Variants in CNTN6 observed in about 807,000 individuals in gnomAD.
CNTN6 encodes the protein contactin 6, also known as contactin-6.
Under a neutral mutation model 122.8 loss-of-function variants are expected in CNTN6, and 137 were observed. The ratio of observed to expected loss-of-function variants is 1.12; its 90% CI spans 0.97 to 1.29. The LOEUF is 1.29. CNTN6 is among the 50% of genes most tolerant of loss of function. The probability of loss-of-function intolerance (pLI) is 0.00; values close to 1 mark genes in which losing one functional copy is unlikely to be tolerated. For synonymous variants in CNTN6, 570 were observed against 426.0 expected, an observed-to-expected ratio of 1.34 and a Z score of -4.16; for missense variants, 1,634 against 1,223.4, an observed-to-expected ratio of 1.34 and a Z score of -5.01.
intron 2 of CNTN6, among the ~76,000 whole-genome samples, chr3:1,159,257 C>A (rs938092136): frequency 6.6e-6 from 1 of 151,846 alleles, no homozygotes; most frequent in Admixed American, 6.6e-5. Flanking sequence ...AAGCCCTATA[C>A]GCATTATGTT....
intron 1 of CNTN6, among the ~76,000 whole-genome samples, chr3:1,143,205 T>G (rs1007506608): frequency 1.3e-5 from 2 of 152,028 alleles, no homozygotes; most frequent in African/African-American, 4.8e-5. Context: ...TCAGAGATTC[T>G]TTTTAATTGC....
intron 2 of CNTN6, among the ~76,000 whole-genome samples, chr3:1,200,209 C>T (rs536438173): frequency 2.5e-4 from 38 of 152,144 alleles, no homozygotes; most frequent in Non-Finnish European, 5.0e-4. Flanking sequence ...AATTTTTGTA[C>T]CGTTAGTAGA....
intron 4 of CNTN6, among the ~76,000 whole-genome samples, chr3:1,276,711 C>G (rs1026029130): frequency 6.6e-6 from 1 of 152,136 alleles, no homozygotes; most frequent in Non-Finnish European, 1.5e-5. Flanking sequence ...GATCAGTGCT[C>G]TCTTCTTATC....
chr3:1,132,737 T>A (rs531380728), intron 1 of CNTN6, among the ~76,000 whole-genome samples: 1 of 152,240 alleles, frequency 6.6e-6, no homozygotes, highest in South Asian at 2.1e-4. Context: ...GGGGTCACTT[T>A]ACTGCACAAA....
intron 12 of CNTN6, among the ~76,000 whole-genome samples, chr3:1,368,977 C>G (rs1390075619): frequency 1.3e-5 from 2 of 152,316 alleles, no homozygotes; most frequent in South Asian, 4.1e-4. Flanking sequence ...CTGACCAAGG[C>G]TATCCTCCAG....
chr3:1,341,860 G>A (rs533456703), intron 11 of CNTN6, among the ~76,000 whole-genome samples: 1 of 152,166 alleles, frequency 6.6e-6, no homozygotes, highest in Non-Finnish European at 1.5e-5. Flanking sequence ...TAAGAATTCT[G>A]AAAAAGTAGA....
At chr3:1,134,532 G>C (rs1402307679) in intron 1 of CNTN6, among the ~76,000 whole-genome samples, 1 of 152,018 alleles carries the variant, frequency 6.6e-6, no homozygotes, top group African/African-American at 2.4e-5. Context: ...CCTAGACCTG[G>C]ATACAAATTA....
At chr3:1,235,713 C>G (rs890738460) in intron 4 of CNTN6, among the ~76,000 whole-genome samples, 3 of 152,088 alleles carry the variant, frequency 2.0e-5, no homozygotes, top group Non-Finnish European at 4.4e-5. Context: ...ATCCACAAAC[C>G]CTTTGAAAGA....
intron 17 of CNTN6, among the ~76,000 whole-genome samples, chr3:1,381,229 C>T (rs1004659648): frequency 6.6e-6 from 1 of 152,156 alleles, no homozygotes; most frequent in African/African-American, 2.4e-5. Flanking sequence ...CAAGTAGCAT[C>T]GATTCTTATA....
chr3:1,369,768 T>A (rs1239349201), intron 12 of CNTN6, among the ~76,000 whole-genome samples: 2 of 152,118 alleles, frequency 1.3e-5, no homozygotes, highest in Non-Finnish European at 2.9e-5. Flanking sequence ...AAGACATTTG[T>A]GATTTTTTTT....
In CNTN6 at chr3:1,352,387, A is replaced by T; in HGVS notation, c.1428A>T (p.Ser476=). 1.9e-6 allele frequency: 3 copies of T among 1,606,134 alleles called. No homozygotes were observed. The highest frequency in any genetic ancestry group is 2.6e-6 in the Non-Finnish European group (3 of 1,174,848). Residue 476 remains serine (S), a synonymous_variant, in exon 12 of 23, where the codon TCA becomes TCT. Coordinates refer to ENST00000446702, the MANE Select transcript of CNTN6 (RefSeq NM_001289080.2). ...IYNITRSDAG[S]YTCIATNQFG... is the part of the protein sequence containing the mutation. The stretch of plus-strand genomic sequence containing the variant: ...ATATTACCAGGTCAGATGCTGGATC[A>T]TATACATGCATAGCCACAAATCAGT...
chr3:1,169,992 T>A (rs530818021), intron 2 of CNTN6, among the ~76,000 whole-genome samples: 149 of 152,228 alleles, frequency 9.8e-4, no homozygotes, highest in African/African-American at 3.4e-3. Context: ...CCCAGCACTT[T>A]GTGAGGCCGA....
chr3:1,167,047 T>TAA (rs764885215), intron 2 of CNTN6, among the ~76,000 whole-genome samples: 1 of 131,272 alleles, frequency 7.6e-6, no homozygotes, highest in African/African-American at 2.9e-5. Context: ...AACTTAAAAT[T>TAA]AAAAAAAAAA....
chr3:1,176,193 G>A lies in CNTN6; in HGVS notation c.55+28130G>A, dbSNP rs192126457. Among the ~76,000 whole-genome samples, 511 of 152,282 alleles carry A rather than the reference G, an allele frequency of 3.4e-3. 2 individuals carry two copies. Among genetic ancestry groups the A allele is most frequent in the Non-Finnish European group, 5.6e-3 (381 of 68,014 alleles). ...GAAATATTGGGAGGCCGGGGCGGGC[G>A]GATCAACTAAGGTCGGGAGTTTGAG... On this transcript the variant is annotated intron_variant, in intron 2 of 22. Coordinates refer to ENST00000446702, the MANE Select transcript of CNTN6 (RefSeq NM_001289080.2).
chr3:1,271,621 T>C (rs965484644), intron 4 of CNTN6, among the ~76,000 whole-genome samples: 5 of 151,976 alleles, frequency 3.3e-5, no homozygotes. Flanking sequence ...AGGGTGGAGA[T>C]AAATCGAGAA....
chr3:1,293,739 C>T (rs1407568352), intron 5 of CNTN6, among the ~76,000 whole-genome samples: 1 of 152,102 alleles, frequency 6.6e-6, no homozygotes, highest in Non-Finnish European at 1.5e-5. Context: ...GTATATTCCC[C>T]TTCTCCACCC....
At chr3:1,182,504 T>C (rs1299698846) in intron 2 of CNTN6, among the ~76,000 whole-genome samples, 1 of 152,146 alleles carries the variant, frequency 6.6e-6, no homozygotes, top group Non-Finnish European at 1.5e-5. Flanking sequence ...GACAAACATG[T>C]AGTTATAGTG....
intron 4 of CNTN6, among the ~76,000 whole-genome samples, chr3:1,231,449 C>T (rs1000425004): frequency 3.9e-5 from 6 of 152,206 alleles, no homozygotes; most frequent in Non-Finnish European, 7.3e-5. Context: ...GGACATACCT[C>T]TAGATAATTG....
chr3:1,321,490 T>C (rs550116387), intron 7 of CNTN6, among the ~76,000 whole-genome samples, 160 bp from the exon 8 acceptor site: 1 of 151,758 alleles, frequency 6.6e-6, no homozygotes, highest in Non-Finnish European at 1.5e-5. Context: ...AAATGACTGA[T>C]TGAGTGAATG....
Sources: gnomAD v4.1 joint callset for allele counts (sites outside exome capture counted in the v4.1 genomes callset) on GRCh38, gnomAD v4.1.1 for gene constraint, MANE v1.5 for transcripts, NCBI Gene and HGNC (gene_info 2026-07-23, HGNC 2026-07-21) for gene names.